NAA11: variants seen among roughly 807,000 people sequenced by gnomAD.
The protein encoded by NAA11 is N-alpha-acetyltransferase 11, NatA catalytic subunit.
NAA11 carries 15 observed loss-of-function variants against 16.1 expected under a neutral mutation model. The ratio of observed to expected loss-of-function variants is 0.93; its 90% CI spans 0.62 to 1.44. The LOEUF (loss-of-function observed/expected upper bound fraction) is 1.44. NAA11 is among the 40% of genes most tolerant of loss of function. The pLI is 0.00. For synonymous variants in NAA11, 122 were observed against 112.4 expected, an observed-to-expected ratio of 1.09 and a Z score of -0.54; for missense variants, 298 against 291.3, an observed-to-expected ratio of 1.02 and a Z score of -0.17.
chr4:79,288,549 C>T (rs951219530), intron 2 of NAA11, among the ~76,000 whole-genome samples: 3 of 152,010 alleles, frequency 2.0e-5, no homozygotes, highest in Admixed American at 2.0e-4. Flanking sequence ...TGTTAGTATG[C>T]TTGTGTATGC....
intron 2 of NAA11, among the ~76,000 whole-genome samples, chr4:79,287,412 C>G (rs914646525): frequency 4.6e-5 from 7 of 151,928 alleles, no homozygotes; most frequent in African/African-American, 1.5e-4. Flanking sequence ...CAATTTTAAG[C>G]CAATCATTTC....
At chr4:79,205,727 G>C in the NAA11 span, among the ~76,000 whole-genome samples, 2 of 151,974 alleles carry the variant, frequency 1.3e-5, no homozygotes, top group East Asian at 3.9e-4. Context: ...ATTTCTTCTA[G>C]AATTTTTAGG....
chr4:79,217,831 T>A, the NAA11 span, among the ~76,000 whole-genome samples: 1 of 152,082 alleles, frequency 6.6e-6, no homozygotes, highest in Non-Finnish European at 1.5e-5. Flanking sequence ...ACATTGTAGG[T>A]AATTTTATCA....
the NAA11 span, among the ~76,000 whole-genome samples, chr4:79,216,948 T>C: frequency 1.3e-5 from 2 of 152,214 alleles, no homozygotes; most frequent in African/African-American, 4.8e-5. Flanking sequence ...TCAAATTGAG[T>C]GCACCTTACC....
chr4:79,282,302 T>C (rs550131822), intron 2 of NAA11, among the ~76,000 whole-genome samples: 1 of 152,138 alleles, frequency 6.6e-6, no homozygotes, highest in South Asian at 2.1e-4. Flanking sequence ...ATTTGGAAGG[T>C]TTAAATAGAA....
chr4:79,259,308 A>C (rs550593701), intron 2 of NAA11, among the ~76,000 whole-genome samples: 13 of 152,232 alleles, frequency 8.5e-5, no homozygotes, highest in African/African-American at 3.1e-4. Flanking sequence ...TGGAGTCTCC[A>C]AGCTTCTGGG....
chr4:79,311,777 GA>G (rs1560469764), downstream of NAA11, among the ~76,000 whole-genome samples: 1 of 152,074 alleles, frequency 6.6e-6, no homozygotes, highest in African/African-American at 2.4e-5. Context: ...ATACCTACTG[GA>G]TACAAGCTTA....
chr4:79,323,694 G>A (rs932748171), intron 1 of NAA11, among the ~76,000 whole-genome samples: 1 of 152,108 alleles, frequency 6.6e-6, no homozygotes, highest in Non-Finnish European at 1.5e-5. Context: ...GGTGGCAGGC[G>A]CCTGTAGTCC....
At chr4:79,278,738 C>T (rs559606224) in intron 2 of NAA11, among the ~76,000 whole-genome samples, 1 of 152,232 alleles carries the variant, frequency 6.6e-6, no homozygotes, top group South Asian at 2.1e-4. Context: ...CTGTGAAATA[C>T]TTGAACGCTA....
the NAA11 span, among the ~76,000 whole-genome samples, chr4:79,209,149 C>G: frequency 6.6e-6 from 1 of 152,026 alleles, no homozygotes; most frequent in East Asian, 1.9e-4. Context: ...TGAATTGCAT[C>G]TTTTCCTGAA....
the NAA11 span, among the ~76,000 whole-genome samples, chr4:79,192,548 G>A: frequency 6.6e-6 from 1 of 151,824 alleles, no homozygotes; most frequent in Non-Finnish European, 1.5e-5. Context: ...TCCCTACAAA[G>A]GACATGAACT....
At chr4:79,224,813 T>A (rs112468907), downstream of NAA11, among the ~76,000 whole-genome samples, 543 of 152,236 alleles carry the variant, frequency 3.6e-3, 6 homozygotes, top group African/African-American at 0.012. Context: ...TAGTATAGGA[T>A]GAAAATGGCA....
the NAA11 span, among the ~76,000 whole-genome samples, chr4:79,218,630 A>T: frequency 6.6e-6 from 1 of 152,062 alleles, no homozygotes; most frequent in Admixed American, 6.6e-5. Flanking sequence ...AATTTTTTGG[A>T]GTAATTATCC....
At chr4:79,236,418 G>A (rs900626999) in intron 2 of NAA11, among the ~76,000 whole-genome samples, 3 of 151,152 alleles carry the variant, frequency 2.0e-5, no homozygotes, top group African/African-American at 7.3e-5. Flanking sequence ...AAATTTAAAA[G>A]GACTTCTTAT....
the NAA11 span, among the ~76,000 whole-genome samples, chr4:79,184,609 T>G: frequency 2.2e-4 from 34 of 152,308 alleles, 2 homozygotes; most frequent in Admixed American, 1.3e-4. Context: ...TCCTAATTTA[T>G]ACAGCATTGC....
the NAA11 span, among the ~76,000 whole-genome samples, chr4:79,202,722 T>C: frequency 6.9e-6 from 1 of 144,504 alleles, no homozygotes; most frequent in South Asian, 2.2e-4. Flanking sequence ...TATAGGAATC[T>C]TTCTAATAGA....
intron 1 of NAA11, among the ~76,000 whole-genome samples, chr4:79,322,183 A>G (rs1415121494): frequency 6.6e-6 from 1 of 152,214 alleles, no homozygotes; most frequent in Non-Finnish European, 1.5e-5. Flanking sequence ...GTTGGAAAAG[A>G]CCCAGAAGTG....
intron 1 of NAA11, among the ~76,000 whole-genome samples, chr4:79,310,007 A>G (rs866374027): frequency 2.9e-4 from 44 of 151,726 alleles, no homozygotes; most frequent in African/African-American, 1.0e-3. Flanking sequence ...GAGCCACCGC[A>G]CCCTGCCTAT....
intron 1 of NAA11, among the ~76,000 whole-genome samples, chr4:79,296,023 G>C (rs1013485189): frequency 6.6e-6 from 1 of 152,080 alleles, no homozygotes; most frequent in Non-Finnish European, 1.5e-5. Flanking sequence ...ACTTTTAAAA[G>C]ATATCCCTTT....
Sources: gnomAD v4.1 joint callset for allele counts (sites outside exome capture counted in the v4.1 genomes callset) on GRCh38, gnomAD v4.1.1 for gene constraint, MANE v1.5 for transcripts, NCBI Gene and HGNC (gene_info 2026-07-23, HGNC 2026-07-21) for gene names.